TAFA1: variants seen among roughly 807,000 people sequenced by gnomAD.
The protein encoded by TAFA1 is chemokine-like protein TAFA-1.
TAFA1 carries 4 observed loss-of-function variants against 18.5 expected under a neutral mutation model. That is an observed-to-expected ratio of 0.22 (90% confidence interval 0.11 to 0.49). TAFA1 has a LOEUF of 0.49. TAFA1 is among the 20% of genes least tolerant of loss of function. The pLI is 0.98. For synonymous variants in TAFA1, 56 were observed against 55.2 expected, an observed-to-expected ratio of 1.01 and a Z score of -0.06; for missense variants, 147 against 169.0, an observed-to-expected ratio of 0.87 and a Z score of 0.72.
At chr3:68,496,798 T>C (rs552127352) in intron 3 of TAFA1, among the ~76,000 whole-genome samples, 1 of 152,300 alleles carries the variant, frequency 6.6e-6, no homozygotes, top group South Asian at 2.1e-4. Context: ...TTCTTCTCTA[T>C]GGTGGGGGTG....
intron 3 of TAFA1, among the ~76,000 whole-genome samples, chr3:68,473,269 T>A (rs982673258): frequency 6.6e-6 from 1 of 152,138 alleles, no homozygotes; most frequent in South Asian, 2.1e-4. Flanking sequence ...CTATGAGGAA[T>A]AGGATTCTAG....
At chr3:68,217,402 T>G (rs746252677) in intron 2 of TAFA1, among the ~76,000 whole-genome samples, 20 of 151,820 alleles carry the variant, frequency 1.3e-4, no homozygotes, top group Non-Finnish European at 2.1e-4. Flanking sequence ...CTCAAAACTA[T>G]CAAGGTCATA....
At chr3:68,446,928 A>G (rs995949580) in intron 3 of TAFA1, among the ~76,000 whole-genome samples, 1 of 152,160 alleles carries the variant, frequency 6.6e-6, no homozygotes, top group South Asian at 2.1e-4. Flanking sequence ...CTTGGCTTTG[A>G]TCACTGTACT....
chr3:68,148,789 C>T (rs2065772371), intron 2 of TAFA1, among the ~76,000 whole-genome samples: 1 of 152,144 alleles, frequency 6.6e-6, no homozygotes, highest in Admixed American at 6.5e-5. Flanking sequence ...CAGGACATCC[C>T]TTTATACAGG....
intron 2 of TAFA1, among the ~76,000 whole-genome samples, chr3:68,199,225 T>C (rs931784533): frequency 2.0e-5 from 3 of 151,568 alleles, no homozygotes; most frequent in Non-Finnish European, 3.0e-5. Context: ...TATTTGTGTA[T>C]TCTTTTTACC....
chr3:68,417,611 C>T (rs538532657), intron 3 of TAFA1, 191 bp downstream of exon 3: 77 of 596,266 alleles, frequency 1.3e-4, no homozygotes, highest in African/African-American at 1.2e-3. Flanking sequence ...AATGTTTTTT[C>T]CCCAAAAAAT....
intron 3 of TAFA1, among the ~76,000 whole-genome samples, chr3:68,469,640 T>C (rs2071958199): frequency 6.6e-6 from 1 of 152,114 alleles, no homozygotes; most frequent in South Asian, 2.1e-4. Flanking sequence ...ACCACTGCAC[T>C]CCAGCCTGGG....
At chr3:68,368,495 A>T (rs1339993598) in intron 2 of TAFA1, among the ~76,000 whole-genome samples, 1 of 152,156 alleles carries the variant, frequency 6.6e-6, no homozygotes, top group Non-Finnish European at 1.5e-5. Flanking sequence ...ACATAGTCTA[A>T]GTAAAAAGAA....
intron 2 of TAFA1, among the ~76,000 whole-genome samples, chr3:68,110,954 A>G (rs910426792): frequency 1.3e-5 from 2 of 152,198 alleles, no homozygotes; most frequent in Non-Finnish European, 2.9e-5. Flanking sequence ...TAAAGCAGAC[A>G]TCACAAAGAC....
chr3:68,226,622 A>T (rs748426461), intron 2 of TAFA1, among the ~76,000 whole-genome samples: 14 of 152,272 alleles, frequency 9.2e-5, no homozygotes, highest in Non-Finnish European at 1.8e-4. Context: ...CCTCTTCTTC[A>T]TATTAATGTT....
chr3:68,163,199 G>T (rs1399835042), intron 2 of TAFA1, among the ~76,000 whole-genome samples: 1 of 152,120 alleles, frequency 6.6e-6, no homozygotes, highest in Non-Finnish European at 1.5e-5. Flanking sequence ...TCCTTTTCCA[G>T]TGTGTTAGTT....
At chr3:68,429,654 T>A (rs1294966168) in intron 3 of TAFA1, among the ~76,000 whole-genome samples, 1 of 151,954 alleles carries the variant, frequency 6.6e-6, no homozygotes, top group Non-Finnish European at 1.5e-5. Flanking sequence ...CATTCCAAAT[T>A]CATCCATTTC....
At position 68,205,723 on chromosome 3, in the gene TAFA1, A is replaced by G. The variant is rs140648261; in HGVS notation, c.118+198979A>G. Among the ~76,000 whole-genome samples the G allele has an allele frequency of 6.6e-5, 10 of 152,034 alleles. No homozygotes were observed. In the East Asian group the frequency reaches 2.0e-3, roughly 30 times the overall value. On this transcript the variant is annotated intron_variant, in intron 2 of 4. Transcript: ENST00000478136. ...TACAAATAAGTAGAAGCGGTGTCCC[A>G]GAAAACCAACATTGTCATTCACCTA...
chr3:68,023,290 G>T (rs1704738757), intron 2 of TAFA1, among the ~76,000 whole-genome samples: 1 of 152,084 alleles, frequency 6.6e-6, no homozygotes, highest in Non-Finnish European at 1.5e-5. Flanking sequence ...TTGGGTGGGG[G>T]CTGTGCTCTA....
intron 2 of TAFA1, among the ~76,000 whole-genome samples, chr3:68,253,292 C>A: frequency 6.6e-6 from 1 of 152,122 alleles, no homozygotes; most frequent in East Asian, 1.9e-4. Context: ...GTATACTTGT[C>A]AAAATGAACA....
chr3:68,322,529 G>A (rs1315443026), intron 2 of TAFA1, among the ~76,000 whole-genome samples: 7 of 152,110 alleles, frequency 4.6e-5, no homozygotes, highest in African/African-American at 9.7e-5. Context: ...GTTTAGACAC[G>A]TGTTAAAAGT....
At chr3:68,516,160 G>A (rs1034884883) in intron 3 of TAFA1, among the ~76,000 whole-genome samples, 12 of 152,190 alleles carry the variant, frequency 7.9e-5, no homozygotes, top group African/African-American at 2.9e-4. Context: ...GGTCCTTTAA[G>A]AATATTGTAG....
chr3:68,362,940 CTTT>C (rs10681791), intron 2 of TAFA1, among the ~76,000 whole-genome samples: 2 of 121,674 alleles, frequency 1.6e-5, no homozygotes, highest in Non-Finnish European at 1.6e-5. Context: ...AGATTTCTTC[CTTT>C]TTTTTTTTTT....
chr3:68,061,649 A>G (rs1327928568), intron 2 of TAFA1, among the ~76,000 whole-genome samples: 1 of 152,260 alleles, frequency 6.6e-6, no homozygotes, highest in Non-Finnish European at 1.5e-5. Context: ...TGCATTTTGC[A>G]TAGGTCATAA....
Sources: allele counts gnomAD v4.1 joint callset (sites outside exome capture counted in the v4.1 genomes callset), GRCh38; gene constraint gnomAD v4.1.1; transcripts MANE v1.5; gene names NCBI Gene and HGNC (gene_info 2026-07-23, HGNC 2026-07-21).